Variants in SORT1 observed in about 807,000 individuals in gnomAD.
SORT1 encodes sortilin 1, also known as sortilin.
In SORT1, 39 loss-of-function variants were observed where a neutral mutation model predicts 101.7. The observed-to-expected ratio is 0.38, with a 90% CI of 0.30 to 0.50. The LOEUF (loss-of-function observed/expected upper bound fraction) is 0.50. Ranked by LOEUF, SORT1 falls within the 20% of genes least tolerant of loss-of-function variation. SORT1 has a pLI of 0.90. For synonymous variants in SORT1, 396 were observed against 393.7 expected, an observed-to-expected ratio of 1.01 and a Z score of -0.07; for missense variants, 878 against 1,040.4, an observed-to-expected ratio of 0.84 and a Z score of 2.15.
In SORT1 at chr1:109,336,436, C is replaced by T. The variant is rs139917799; in HGVS notation, c.1265-90G>A. The T allele has an allele frequency of 4.0e-4, 332 of 820,808 alleles. 1 individual carries two copies. Among genetic ancestry groups the T allele is most frequent in the Admixed American group, 1.3e-3 (68 of 52,900 alleles). The allele number at this position is 820,808 out of a possible 1,614,324, so 50.8% of individuals were successfully genotyped here. On this transcript the variant is annotated intron_variant, in intron 10 of 19. Transcript: ENST00000256637. ...TCACTGCATGACTCTCTCCTGAGACCGTATAGCACCTGGAGTCCGACAAGC... is the reference window on the plus strand; with the variant it reads ...TCACTGCATGACTCTCTCCTGAGACTGTATAGCACCTGGAGTCCGACAAGC...
Position 109,347,534 on chromosome 1 carries a change from T to C in SORT1, c.783-2A>G. 1 of 1,606,272 alleles carries C rather than the reference T, an allele frequency of 6.2e-7. No individual in the cohort carries two copies. The highest frequency in any genetic ancestry group is 8.5e-7 in the Non-Finnish European group (1 of 1,172,924). ...AAGAAGATGGTGTTGTCTGATCCCCTACAATGAGGCAAAAACAGGGAAAAG... is the reference window on the plus strand; with the variant it reads ...AAGAAGATGGTGTTGTCTGATCCCCCACAATGAGGCAAAAACAGGGAAAAG... On this transcript the variant is annotated splice_acceptor_variant, in intron 6 of 19. Coordinates refer to ENST00000256637, the MANE Select transcript of SORT1 (RefSeq NM_002959.7). LOFTEE classifies it high-confidence loss of function.
intron 1 of SORT1, among the ~76,000 whole-genome samples, chr1:109,383,057 AAGTTG>A (rs1652342404): frequency 1.3e-5 from 2 of 152,224 alleles, no homozygotes; most frequent in Admixed American, 1.3e-4. Context: ...GGAAAATTTA[AAGTTG>A]GTCCCAAGAG....
At chr1:109,328,611 C>A (rs923850587) in intron 11 of SORT1, among the ~76,000 whole-genome samples, 2 of 152,216 alleles carry the variant, frequency 1.3e-5, no homozygotes, top group Non-Finnish European at 2.9e-5. Context: ...GTGGCATACT[C>A]TTGATTCTGA....
chr1:109,329,465 G>A (rs1043324029), intron 11 of SORT1, among the ~76,000 whole-genome samples: 12 of 152,184 alleles, frequency 7.9e-5, no homozygotes, highest in African/African-American at 1.9e-4. Context: ...ATGTTAGTGA[G>A]GACGGTCTTG....
At chr1:109,371,526 C>T (rs1203722417) in intron 1 of SORT1, among the ~76,000 whole-genome samples, 1 of 152,142 alleles carries the variant, frequency 6.6e-6, no homozygotes, top group Non-Finnish European at 1.5e-5. Flanking sequence ...CACTGGAATT[C>T]GTGGTTGTCT....
At position 109,314,069 on chromosome 1, in the gene SORT1, A is replaced by C; in HGVS notation, c.2482-12T>G. 6.2e-7 allele frequency: 1 copy of C among 1,614,086 alleles called. No homozygotes were observed. The highest frequency in any genetic ancestry group is 8.5e-7 in the Non-Finnish European group (1 of 1,179,918). On this transcript the variant is annotated splice_polypyrimidine_tract_variant and intron_variant, in intron 19 of 19. Coordinates refer to ENST00000256637, the MANE Select transcript of SORT1 (RefSeq NM_002959.7). Reference sequence around the variant, plus strand: ...TATTCCAAGAGGTCCTGAAAAAGACATGCACCATATTACCGACAGACCACA... The same window carrying C: ...TATTCCAAGAGGTCCTGAAAAAGACCTGCACCATATTACCGACAGACCACA...
At chr1:109,395,230 T>A in intron 1 of SORT1, among the ~76,000 whole-genome samples, 1 of 138,168 alleles carries the variant, frequency 7.2e-6, no homozygotes, top group Non-Finnish European at 1.6e-5. Context: ...TTTTTTTTTT[T>A]TTTTTTTTGA....
intron 1 of SORT1, among the ~76,000 whole-genome samples, chr1:109,376,392 A>C (rs1651857949): frequency 6.6e-6 from 1 of 151,836 alleles, no homozygotes; most frequent in Non-Finnish European, 1.5e-5. Flanking sequence ...CAATCCTGTT[A>C]CTGGGTATAT....
chr1:109,354,815 C>T (rs1486540665), intron 4 of SORT1, among the ~76,000 whole-genome samples: 4 of 152,244 alleles, frequency 2.6e-5, no homozygotes, highest in Non-Finnish European at 2.9e-5. Context: ...AGGTTATATA[C>T]ATTGTAATGT....
At chr1:109,352,816 G>C (rs116463797) in intron 5 of SORT1, among the ~76,000 whole-genome samples, 399 of 152,306 alleles carry the variant, frequency 2.6e-3, no homozygotes, top group Non-Finnish European at 4.6e-3. Flanking sequence ...GACTGTATCT[G>C]TCTCTTCCTG....
At chr1:109,337,733 T>A (rs1166925163) in intron 10 of SORT1, among the ~76,000 whole-genome samples, 1 of 152,194 alleles carries the variant, frequency 6.6e-6, no homozygotes, top group Admixed American at 6.5e-5. Context: ...GTTCAAGCGA[T>A]TCTCCTGCCT....
Position 109,340,673 on chromosome 1 carries a change from C to T in SORT1, c.1264+51G>A, listed in dbSNP as rs540022254. ...GACAGGTTCCCCGAAGCCTCAAATC[C>T]TACCACATGCAGCTGAAGGCACAGT... On this transcript the variant is annotated intron_variant, in intron 10 of 19. Coordinates refer to ENST00000256637, the MANE Select transcript of SORT1 (RefSeq NM_002959.7). 15 of 1,598,716 alleles carry T rather than the reference C, an allele frequency of 9.4e-6. No individual in the cohort carries two copies. In the East Asian group the frequency reaches 3.4e-4, roughly 36 times the overall value.
At chr1:109,341,410 G>A (rs1461028835) in intron 9 of SORT1, among the ~76,000 whole-genome samples, 4 of 151,612 alleles carry the variant, frequency 2.6e-5, no homozygotes, top group Admixed American at 6.6e-5. Context: ...GCAGTGGCAC[G>A]ATCTCAGCTC....
chr1:109,395,867 G>C (rs944077197), intron 1 of SORT1, among the ~76,000 whole-genome samples: 1 of 152,116 alleles, frequency 6.6e-6, no homozygotes, highest in African/African-American at 2.4e-5. Context: ...TTGAGCCCAG[G>C]AGTTCAAGAC....
At chr1:109,340,091 GTGAGCTGAGATC>G (rs574615277) in intron 10 of SORT1, among the ~76,000 whole-genome samples, 58 of 143,284 alleles carry the variant, frequency 4.0e-4, no homozygotes, top group African/African-American at 1.4e-3. Flanking sequence ...CAAGGTTGCA[GTGAGCTGAGATC>G]ACGCCACCGC....
chr1:109,326,888 C>T lies in SORT1; in HGVS notation c.1643+104G>A, dbSNP rs1033544094. ...ATCTTATCTATAGTTCTGTCAAATGCAAAAATTTGAATTATAGTCTGTAAC... is the reference window on the plus strand; with the variant it reads ...ATCTTATCTATAGTTCTGTCAAATGTAAAAATTTGAATTATAGTCTGTAAC... On this transcript the variant is annotated intron_variant, in intron 13 of 19. Coordinates refer to ENST00000256637, the MANE Select transcript of SORT1 (RefSeq NM_002959.7). 16 of 876,484 alleles carry T rather than the reference C, an allele frequency of 1.8e-5. No homozygotes were observed. The African/African-American group carries it at 2.6e-4, about 14-fold the overall frequency. The allele number at this position is 876,484 out of a possible 1,614,324, so 54.3% of individuals were successfully genotyped here.
chr1:109,326,532 T>C (rs534129821), intron 13 of SORT1, among the ~76,000 whole-genome samples: 183 of 144,820 alleles, frequency 1.3e-3, no homozygotes, highest in African/African-American at 4.4e-3. Context: ...TATACACATA[T>C]ATATACATAT....
intron 11 of SORT1, 39 bp from the exon 12 acceptor site, chr1:109,327,640 T>C (rs1305543965): frequency 4.6e-6 from 6 of 1,317,482 alleles, no homozygotes; most frequent in Middle Eastern, 1.9e-4. Flanking sequence ...GAACCAAAGA[T>C]AAAGATACAA....
At chr1:109,345,970 G>C in intron 7 of SORT1, 89 bp from the exon 8 acceptor site, 1 of 1,137,564 alleles carries the variant, frequency 8.8e-7, no homozygotes, top group Non-Finnish European at 1.3e-6. Flanking sequence ...TAATTTTATA[G>C]CTAAAGCATT....
Sources: gnomAD v4.1 joint callset for allele counts (sites outside exome capture counted in the v4.1 genomes callset) on GRCh38, gnomAD v4.1.1 for gene constraint, MANE v1.5 for transcripts, NCBI Gene and HGNC (gene_info 2026-07-23, HGNC 2026-07-21) for gene names.